Variants in CDC42BPB observed in about 807,000 individuals in gnomAD.
CDC42BPB encodes the protein CDC42 binding protein kinase beta, also known as serine/threonine-protein kinase MRCK beta.
In CDC42BPB, 37 loss-of-function variants were observed where a neutral mutation model predicts 214.9. The observed-to-expected ratio is 0.17, with a 90% CI of 0.13 to 0.23. CDC42BPB has a LOEUF of 0.23. CDC42BPB is among the 10% of genes least tolerant of loss of function. CDC42BPB has a pLI of 1.00. For missense variants in CDC42BPB, 1,694 were observed against 2,227.0 expected, an observed-to-expected ratio of 0.76 and a Z score of 4.82; for synonymous variants, 931 against 884.0, an observed-to-expected ratio of 1.05 and a Z score of -0.94.
intron 1 of CDC42BPB, among the ~76,000 whole-genome samples, chr14:103,032,995 AT>A (rs1281886702): frequency 2.6e-5 from 4 of 151,638 alleles, no homozygotes; most frequent in African/African-American, 7.3e-5. Context: ...AATTACTGTT[AT>A]TTTTTAATGT....
intron 16 of CDC42BPB, among the ~76,000 whole-genome samples, chr14:102,967,955 C>T (rs1318057555): frequency 2.6e-5 from 4 of 152,056 alleles, no homozygotes; most frequent in African/African-American, 9.7e-5. Context: ...CTTAGCCAGG[C>T]GTGGTGGCAG....
In CDC42BPB at chr14:103,011,892, G is replaced by C. The variant is rs1291280133; in HGVS notation, c.267+205C>G. On this transcript the variant is annotated intron_variant, in intron 2 of 36. Coordinates refer to ENST00000361246, the MANE Select transcript of CDC42BPB (RefSeq NM_006035.4). ...GCTCCTTGGGAGGCCGAGGCGGGGA[G>C]ATCACTTGAGCCCAGGAGTTCAAAG... 2.0e-5 allele frequency among the ~76,000 whole-genome samples: 3 copies of C among 152,156 alleles called. No individual in the cohort carries two copies. In the East Asian group the frequency reaches 5.8e-4, roughly 29 times the overall value.
At chr14:103,019,648 GATAAGGAC>G (rs1422429520) in intron 1 of CDC42BPB, among the ~76,000 whole-genome samples, 2 of 152,218 alleles carry the variant, frequency 1.3e-5, no homozygotes, top group Non-Finnish European at 2.9e-5. Context: ...CCCCTCCTAA[GATAAGGAC>G]ATTCAACATC....
chr14:103,000,305 G>A lies in CDC42BPB; in HGVS notation c.448-592C>T, dbSNP rs1330163858. Among the ~76,000 whole-genome samples, 6 of 152,382 alleles carry A rather than the reference G, an allele frequency of 3.9e-5. No homozygotes were observed. The South Asian group carries it at 8.3e-4, about 21-fold the overall frequency. On this transcript the variant is annotated intron_variant, in intron 4 of 36. Transcript: ENST00000361246. Reference sequence around the variant, plus strand: ...AGGGCTGAGCCCGTCACTTCCCCGCGAGTTCCCTCGCCACCGGGCCAGCCG... The same window carrying A: ...AGGGCTGAGCCCGTCACTTCCCCGCAAGTTCCCTCGCCACCGGGCCAGCCG...
chr14:102,979,307 G>A (rs554537568), intron 8 of CDC42BPB, among the ~76,000 whole-genome samples: 33 of 151,844 alleles, frequency 2.2e-4, no homozygotes, highest in African/African-American at 8.0e-4. Flanking sequence ...CCACCTCTTG[G>A]GTTCAAGTGA....
chr14:102,987,295 C>A (rs2139543427), intron 5 of CDC42BPB, among the ~76,000 whole-genome samples: 1 of 152,388 alleles, frequency 6.6e-6, no homozygotes, highest in East Asian at 1.9e-4. Flanking sequence ...AAACTACTTT[C>A]TGTGCGCTCT....
chr14:102,985,695 A>G (rs540660704), intron 6 of CDC42BPB, among the ~76,000 whole-genome samples: 74 of 152,238 alleles, frequency 4.9e-4, no homozygotes, highest in Non-Finnish European at 9.1e-4. Flanking sequence ...CAAGAAAGGG[A>G]TTGCTCTCTC....
chr14:103,037,536 A>T (rs542158203), intron 1 of CDC42BPB, among the ~76,000 whole-genome samples: 268 of 152,316 alleles, frequency 1.8e-3, no homozygotes, highest in African/African-American at 5.0e-3. Context: ...AAATTAAAAT[A>T]AAAATAGTAC....
chr14:103,029,030 T>C (rs535585942), intron 1 of CDC42BPB, among the ~76,000 whole-genome samples: 3 of 152,260 alleles, frequency 2.0e-5, no homozygotes, highest in East Asian at 1.9e-4. Flanking sequence ...TCTTTCTAAA[T>C]TGAATAGTCA....
At chr14:102,968,420 G>T in intron 15 of CDC42BPB, 52 bp downstream of exon 15, 1 of 1,613,330 alleles carries the variant, frequency 6.2e-7, no homozygotes, top group Non-Finnish European at 8.5e-7. Flanking sequence ...TCGTATCTAT[G>T]GCGTGGGTAT....
chr14:102,971,799 T>G, intron 13 of CDC42BPB, 120 bp downstream of exon 13: 1 of 958,492 alleles, frequency 1.0e-6, no homozygotes. Flanking sequence ...TCAACTTACT[T>G]GGCTCCACAG....
intron 19 of CDC42BPB, among the ~76,000 whole-genome samples, chr14:102,963,755 A>G (rs898954590): frequency 6.6e-6 from 1 of 152,230 alleles, no homozygotes; most frequent in African/African-American, 2.4e-5. Context: ...GGGTCACAGG[A>G]TTTAACAACA....
chr14:102,954,562 G>C, intron 22 of CDC42BPB, 40 bp downstream of exon 22: 3 of 1,563,028 alleles, frequency 1.9e-6, no homozygotes, highest in Non-Finnish European at 1.8e-6. Flanking sequence ...CACGAGGGCA[G>C]ACCCCAGGTG....
At chr14:103,039,292 C>CAAA (rs202028122) in intron 1 of CDC42BPB, among the ~76,000 whole-genome samples, 7 of 70,644 alleles carry the variant, frequency 9.9e-5, no homozygotes, top group East Asian at 4.7e-4. Context: ...GATACCAAAC[C>CAAA]AAAAAAAAAA....
At chr14:103,050,616 G>C (rs866436523) in intron 1 of CDC42BPB, among the ~76,000 whole-genome samples, 4 of 141,404 alleles carry the variant, frequency 2.8e-5, no homozygotes, top group Admixed American at 7.0e-5. Context: ...AATTAGCCAG[G>C]TGTAGCGGTG....
rs546039302 is a variant in CDC42BPB at position 102,952,239 on chromosome 14, C to G, written c.3172+259G>C. Among the ~76,000 whole-genome samples, 8 of 152,294 alleles carry G rather than the reference C, an allele frequency of 5.3e-5. No homozygotes were observed. In the South Asian group the frequency reaches 1.5e-3, roughly 28 times the overall value. Reference sequence around the variant, plus strand: ...TGCTGGTGGTGTGTGTGTCTGAGGTCTCAACTACTTGAGAGGCTGAGACAA... The same window carrying G: ...TGCTGGTGGTGTGTGTGTCTGAGGTGTCAACTACTTGAGAGGCTGAGACAA... On this transcript the variant is annotated intron_variant, in intron 24 of 36. Transcript: ENST00000361246.
chr14:102,964,210 C>G (rs3818287), intron 19 of CDC42BPB, among the ~76,000 whole-genome samples: 1 of 152,154 alleles, frequency 6.6e-6, no homozygotes, highest in African/African-American at 2.4e-5. Flanking sequence ...GTGTGAGTCT[C>G]GCTACCCAGC....
chr14:102,990,282 T>C (rs1894433626), intron 5 of CDC42BPB, among the ~76,000 whole-genome samples: 1 of 152,122 alleles, frequency 6.6e-6, no homozygotes, highest in African/African-American at 2.4e-5. Context: ...CCAAGTGACT[T>C]ATGAACACAG....
chr14:102,948,902 C>G (rs1309311518), intron 26 of CDC42BPB, among the ~76,000 whole-genome samples: 2 of 151,782 alleles, frequency 1.3e-5, no homozygotes, highest in Non-Finnish European at 3.0e-5. Context: ...TGGCGGGTGC[C>G]CCGGGGGAAG....
Sources: gnomAD v4.1 joint callset for allele counts (sites outside exome capture counted in the v4.1 genomes callset) on GRCh38, gnomAD v4.1.1 for gene constraint, MANE v1.5 for transcripts, NCBI Gene and HGNC (gene_info 2026-07-23, HGNC 2026-07-21) for gene names.